The following HNF4G variants were observed in gnomAD, a reference collection of about 807,000 sequenced individuals.
The protein encoded by HNF4G is hepatocyte nuclear factor 4 gamma.
In HNF4G, 21 loss-of-function variants were observed where a neutral mutation model predicts 50.9. The ratio of observed to expected loss-of-function variants is 0.41; its 90% CI spans 0.29 to 0.59. The LOEUF (loss-of-function observed/expected upper bound fraction) is 0.59. HNF4G is among the 20% of genes least tolerant of loss of function. HNF4G has a pLI of 0.26. For synonymous variants in HNF4G, 198 were observed against 185.6 expected, an observed-to-expected ratio of 1.07 and a Z score of -0.54; for missense variants, 527 against 559.4, an observed-to-expected ratio of 0.94 and a Z score of 0.58.
intron 2 of HNF4G, among the ~76,000 whole-genome samples, chr8:75,508,211 A>C (rs2130719821): frequency 6.6e-6 from 1 of 152,222 alleles, no homozygotes; most frequent in East Asian, 1.9e-4. Context: ...TTGGGCCGGG[A>C]GCTCCTTTCC....
At chr8:75,491,666 G>A (rs982362694) in intron 2 of HNF4G, among the ~76,000 whole-genome samples, 2 of 152,114 alleles carry the variant, frequency 1.3e-5, no homozygotes, top group African/African-American at 4.8e-5. Flanking sequence ...AGTAAAGAAG[G>A]AGTTTCTTCA....
upstream of HNF4G, among the ~76,000 whole-genome samples, chr8:75,537,885 A>C (rs1203067014): frequency 2.6e-5 from 4 of 152,106 alleles, no homozygotes; most frequent in Non-Finnish European, 4.4e-5. Flanking sequence ...ATATCTTTTT[A>C]TGACTTTCTG....
chr8:75,420,967 A>C (rs937906165), intron 1 of HNF4G, among the ~76,000 whole-genome samples: 6 of 152,256 alleles, frequency 3.9e-5, no homozygotes. Context: ...ACTCTAAAGC[A>C]GTACTGGACA....
intron 2 of HNF4G, among the ~76,000 whole-genome samples, chr8:75,527,522 C>T (rs1403879318): frequency 6.6e-6 from 1 of 152,114 alleles, no homozygotes; most frequent in East Asian, 1.9e-4. Flanking sequence ...GGTATACAAA[C>T]ATATATATAC....
At chr8:75,409,471 T>C (rs1418359835) in intron 1 of HNF4G, among the ~76,000 whole-genome samples, 1 of 144,218 alleles carries the variant, frequency 6.9e-6, no homozygotes, top group East Asian at 2.0e-4. Flanking sequence ...TGTTTTTGAG[T>C]GCCTTGTTCT....
chr8:75,555,919 T>C (rs1193594870), intron 5 of HNF4G, 63 bp from the exon 6 acceptor site: 15 of 904,362 alleles, frequency 1.7e-5, no homozygotes, highest in Non-Finnish European at 2.3e-5. Context: ...TTAACAAGAC[T>C]CATGTCATCT....
chr8:75,525,643 A>G (rs1206126464), intron 2 of HNF4G, among the ~76,000 whole-genome samples: 1 of 152,190 alleles, frequency 6.6e-6, no homozygotes, highest in African/African-American at 2.4e-5. Context: ...GAGATTGAAT[A>G]TTTTGGTCCA....
intron 9 of HNF4G, 150 bp from the exon 10 acceptor site, chr8:75,563,825 C>A: frequency 3.9e-6 from 3 of 767,826 alleles, no homozygotes; most frequent in Non-Finnish European, 6.0e-6. Context: ...CGTCATGGGC[C>A]AATAATGCAT....
At chr8:75,513,663 GC>G (rs1414893016) in intron 2 of HNF4G, among the ~76,000 whole-genome samples, 4 of 151,652 alleles carry the variant, frequency 2.6e-5, no homozygotes, top group Admixed American at 2.6e-4. Flanking sequence ...TTTCCCTGTT[GC>G]TTGTTTTCTG....
chr8:75,559,306 G>A (rs892352447), intron 8 of HNF4G, among the ~76,000 whole-genome samples: 13 of 148,276 alleles, frequency 8.8e-5, no homozygotes, highest in African/African-American at 2.5e-5. Flanking sequence ...ACAGAGTCTC[G>A]CTCAGTCGCC....
At chr8:75,417,509 G>A (rs185863503) in intron 1 of HNF4G, among the ~76,000 whole-genome samples, 104 of 152,282 alleles carry the variant, frequency 6.8e-4, no homozygotes, top group African/African-American at 2.4e-3. Flanking sequence ...AAGGCCATTC[G>A]TCTCCAGAGC....
intron 9 of HNF4G, among the ~76,000 whole-genome samples, chr8:75,563,531 A>T (rs975508426): frequency 3.9e-5 from 6 of 152,052 alleles, no homozygotes; most frequent in Non-Finnish European, 1.5e-5. Context: ...GTCATCTAAT[A>T]TGTCTGAATT....
intron 2 of HNF4G, among the ~76,000 whole-genome samples, chr8:75,524,526 T>G (rs1221071245): frequency 6.6e-6 from 1 of 152,194 alleles, no homozygotes; most frequent in East Asian, 1.9e-4. Flanking sequence ...TGTTACATAT[T>G]TTTATTATAG....
intron 2 of HNF4G, among the ~76,000 whole-genome samples, chr8:75,507,236 G>C (rs1474410664): frequency 6.6e-6 from 1 of 151,308 alleles, no homozygotes; most frequent in Non-Finnish European, 1.5e-5. Context: ...TGCCATTGAA[G>C]AGGAAACTAC....
At chr8:75,559,701 T>C (rs978218035) in intron 8 of HNF4G, among the ~76,000 whole-genome samples, 5 of 152,290 alleles carry the variant, frequency 3.3e-5, no homozygotes, top group East Asian at 3.9e-4. Flanking sequence ...AAATATATCA[T>C]GGTTTTTCAT....
chr8:75,493,353 A>C (rs1480569491), intron 2 of HNF4G, among the ~76,000 whole-genome samples: 1 of 152,156 alleles, frequency 6.6e-6, no homozygotes, highest in African/African-American at 2.4e-5. Flanking sequence ...AGTGCTTAGA[A>C]AAAGGCGTGC....
chr8:75,536,327 C>T (rs1316704447), upstream of HNF4G, among the ~76,000 whole-genome samples: 1 of 151,752 alleles, frequency 6.6e-6, no homozygotes, highest in East Asian at 1.9e-4. Flanking sequence ...CCCAATTTAA[C>T]CTTTAGAAGT....
chr8:75,498,014 A>G (rs1196689983), intron 2 of HNF4G, among the ~76,000 whole-genome samples: 1 of 152,134 alleles, frequency 6.6e-6, no homozygotes, highest in African/African-American at 2.4e-5. Context: ...CATTTGGGAC[A>G]CTTAGAATTT....
At chr8:75,442,608 A>T (rs1268013653) in intron 1 of HNF4G, among the ~76,000 whole-genome samples, 3 of 152,142 alleles carry the variant, frequency 2.0e-5, no homozygotes, top group African/African-American at 7.2e-5. Context: ...AAAATATGTT[A>T]AAAATAGGAA....
Sources: allele counts gnomAD v4.1 joint callset (sites outside exome capture counted in the v4.1 genomes callset), GRCh38; gene constraint gnomAD v4.1.1; transcripts MANE v1.5; gene names NCBI Gene and HGNC (gene_info 2026-07-23, HGNC 2026-07-21).